The following GRK3 variants were observed in gnomAD, a reference collection of about 807,000 sequenced individuals.
GRK3 encodes the protein G protein-coupled receptor kinase 3, also known as adrenergic, beta, receptor kinase 2.
In GRK3, 54 loss-of-function variants were observed where a neutral mutation model predicts 95.7. That is an observed-to-expected ratio of 0.56 (90% confidence interval 0.45 to 0.71). GRK3 has a LOEUF of 0.71. Ranked by LOEUF, GRK3 falls within the 30% of genes least tolerant of loss-of-function variation. The probability of loss-of-function intolerance (pLI) is 0.00; values close to 1 mark genes in which losing one functional copy is unlikely to be tolerated. For missense variants in GRK3, 649 were observed against 851.2 expected (o/e 0.76, Z 2.96); for synonymous variants, 281 against 290.8 (o/e 0.97, Z 0.34).
chr22:25,711,857 C>T (rs947541577), intron 17 of GRK3, among the ~76,000 whole-genome samples: 32 of 152,176 alleles, frequency 2.1e-4, no homozygotes, highest in African/African-American at 7.2e-4. Flanking sequence ...CACAAACCCG[C>T]GTTGCCTTCC....
At chr22:25,672,202 A>C (rs751328135) in intron 6 of GRK3, 94 bp from the exon 7 acceptor site, 6 of 621,586 alleles carry the variant, frequency 9.7e-6, no homozygotes, top group Non-Finnish European at 1.4e-5. Context: ...CAAGCAACCC[A>C]AGTAATGCCG....
At chr22:25,683,945 A>G (rs770341214) in intron 9 of GRK3, among the ~76,000 whole-genome samples, 2 of 152,186 alleles carry the variant, frequency 1.3e-5, no homozygotes, top group Admixed American at 6.5e-5. Flanking sequence ...CCCTAAGATC[A>G]TGAAGATATT....
At chr22:25,597,564 C>A (rs2084380546) in intron 1 of GRK3, among the ~76,000 whole-genome samples, 1 of 151,910 alleles carries the variant, frequency 6.6e-6, no homozygotes. Flanking sequence ...TGAATATGTA[C>A]AATTATTATG....
chr22:25,701,164 C>T (rs1445030140), intron 13 of GRK3, among the ~76,000 whole-genome samples: 3 of 152,212 alleles, frequency 2.0e-5, no homozygotes, highest in Non-Finnish European at 4.4e-5. Flanking sequence ...ATGGGAAGAG[C>T]TTGGCCGTGC....
chr22:25,714,266 C>T (rs1275200026), intron 17 of GRK3, 142 bp from the exon 18 acceptor site: 1 of 616,966 alleles, frequency 1.6e-6, no homozygotes, highest in Non-Finnish European at 2.7e-6. Context: ...TAACTAAGAA[C>T]CTGCCTCGAA....
chr22:25,621,327 A>C (rs5761143), intron 2 of GRK3, among the ~76,000 whole-genome samples: 1 of 152,192 alleles, frequency 6.6e-6, no homozygotes, highest in African/African-American at 2.4e-5. Context: ...GGTTATGGGC[A>C]CCTTACTCAC....
chr22:25,710,601 G>A (rs1020084459), intron 16 of GRK3, among the ~76,000 whole-genome samples: 1 of 152,210 alleles, frequency 6.6e-6, no homozygotes. Context: ...CTGTAGTAAA[G>A]AAAGACTGAT....
At chr22:25,575,063 G>A (rs989577766) in intron 1 of GRK3, among the ~76,000 whole-genome samples, 9 of 152,318 alleles carry the variant, frequency 5.9e-5, no homozygotes, top group African/African-American at 1.9e-4. Flanking sequence ...AAATAAAACC[G>A]AGAGTTTTGT....
intron 9 of GRK3, among the ~76,000 whole-genome samples, chr22:25,681,202 G>C (rs569184860): frequency 9.6e-4 from 146 of 152,228 alleles, no homozygotes; most frequent in Non-Finnish European, 1.2e-3. Context: ...GTTGAACCAG[G>C]CACTCTGCGG....
At chr22:25,689,452 G>A (rs1313112488) in intron 11 of GRK3, among the ~76,000 whole-genome samples, 1 of 151,980 alleles carries the variant, frequency 6.6e-6, no homozygotes, top group Non-Finnish European at 1.5e-5. Flanking sequence ...TTTTCTAATA[G>A]CATGCCATTT....
At chr22:25,612,079 C>T (rs982888225) in intron 2 of GRK3, among the ~76,000 whole-genome samples, 32 of 152,080 alleles carry the variant, frequency 2.1e-4, no homozygotes, top group East Asian at 3.9e-4. Context: ...GCAATCCACC[C>T]GCCTCGGCCT....
chr22:25,623,431 A>T (rs1041087427), intron 2 of GRK3, among the ~76,000 whole-genome samples: 15 of 152,032 alleles, frequency 9.9e-5, no homozygotes, highest in South Asian at 2.1e-4. Flanking sequence ...GTCCCTTCCC[A>T]CAAGTAACCT....
chr22:25,583,755 A>G (rs1359346035), intron 1 of GRK3, among the ~76,000 whole-genome samples: 2 of 152,230 alleles, frequency 1.3e-5, no homozygotes, highest in Non-Finnish European at 2.9e-5. Context: ...TTAATAGCCT[A>G]TATTAGACAT....
chr22:25,720,467 C>CTTTTTT (rs963248407), intron 19 of GRK3, among the ~76,000 whole-genome samples: 2 of 102,574 alleles, frequency 1.9e-5, no homozygotes, highest in African/African-American at 3.9e-5. Flanking sequence ...ATACTATAGA[C>CTTTTTT]TTTTTTTTTT....
intron 2 of GRK3, among the ~76,000 whole-genome samples, chr22:25,626,791 C>T (rs373525198): frequency 6.6e-6 from 1 of 152,208 alleles, no homozygotes; most frequent in Non-Finnish European, 1.5e-5. Context: ...GTTTGAAGAT[C>T]GGTGCACAGT....
At chr22:25,696,792 C>T (rs759486981) in intron 13 of GRK3, among the ~76,000 whole-genome samples, 2 of 152,192 alleles carry the variant, frequency 1.3e-5, no homozygotes, top group African/African-American at 4.8e-5. Context: ...TTTGCATTCA[C>T]TTGTGATCTA....
At chr22:25,689,313 T>A (rs2085146935) in intron 11 of GRK3, among the ~76,000 whole-genome samples, 1 of 152,220 alleles carries the variant, frequency 6.6e-6, no homozygotes, top group Non-Finnish European at 1.5e-5. Flanking sequence ...CATTCTAATT[T>A]AAATCAGTAA....
intron 2 of GRK3, among the ~76,000 whole-genome samples, chr22:25,618,123 C>T (rs2084554038): frequency 6.6e-6 from 1 of 152,182 alleles, no homozygotes; most frequent in African/African-American, 2.4e-5. Flanking sequence ...GCATTTAACA[C>T]AGTTCACTTA....
chr22:25,710,825 A>T (rs958752734), intron 16 of GRK3, among the ~76,000 whole-genome samples: 10 of 152,330 alleles, frequency 6.6e-5, no homozygotes, highest in Non-Finnish European at 1.5e-4. Flanking sequence ...AAAATTATTG[A>T]AGGCTTTGGA....
Sources: allele counts gnomAD v4.1 joint callset (sites outside exome capture counted in the v4.1 genomes callset), GRCh38; gene constraint gnomAD v4.1.1; transcripts MANE v1.5; gene names NCBI Gene and HGNC (gene_info 2026-07-23, HGNC 2026-07-21).